Variants in CACNA2D3 observed in about 807,000 individuals in gnomAD.
CACNA2D3 encodes calcium voltage-gated channel auxiliary subunit alpha2delta 3.
In CACNA2D3, 60 loss-of-function variants were observed where a neutral mutation model predicts 160.6. The ratio of observed to expected loss-of-function variants is 0.37; its 90% confidence interval spans 0.30 to 0.46. The LOEUF is 0.46. CACNA2D3 is among the 20% of genes least tolerant of loss of function. The probability of loss-of-function intolerance (pLI) is 1.00; values close to 1 mark genes in which losing one functional copy is unlikely to be tolerated. For missense variants in CACNA2D3, 1,205 were observed against 1,365.0 expected, an observed-to-expected ratio of 0.88 and a Z score of 1.85; for synonymous variants, 558 against 492.9, an observed-to-expected ratio of 1.13 and a Z score of -1.75.
chr3:54,208,598 G>C (rs1701314737), intron 2 of CACNA2D3, among the ~76,000 whole-genome samples: 1 of 152,164 alleles, frequency 6.6e-6, no homozygotes, highest in African/African-American at 2.4e-5. Flanking sequence ...CCTTACCAGT[G>C]CCAGCCCCTT....
chr3:54,818,460 C>T (rs1703511515), intron 14 of CACNA2D3, among the ~76,000 whole-genome samples: 1 of 152,186 alleles, frequency 6.6e-6, no homozygotes, highest in South Asian at 2.1e-4. Context: ...ATACAGTGAG[C>T]CACTGCGCCC....
chr3:55,002,472 G>A (rs1280744018), intron 31 of CACNA2D3, among the ~76,000 whole-genome samples: 1 of 152,244 alleles, frequency 6.6e-6, no homozygotes, highest in Non-Finnish European at 1.5e-5. Context: ...TGTCCATTGT[G>A]GTCTGCAGTT....
In CACNA2D3 at chr3:54,346,230, A is replaced by G. The variant is rs528942408; in HGVS notation, c.321+25672A>G. Among the ~76,000 whole-genome samples, 26 of 152,236 alleles carry G rather than the reference A, an allele frequency of 1.7e-4. No homozygotes were observed. The East Asian group carries it at 2.9e-3, about 17-fold the overall frequency. ...TGGAGGTGAGGAGACGGATGATAGG[A>G]TACAGAAGCCTCCGTCAGAGCAACC... On this transcript the variant is annotated intron_variant, in intron 3 of 37. Transcript: ENST00000474759.
intron 11 of CACNA2D3, among the ~76,000 whole-genome samples, chr3:54,654,174 G>C (rs918289423): frequency 2.6e-5 from 4 of 152,092 alleles, no homozygotes; most frequent in Admixed American, 2.6e-4. Context: ...TGGAGTCACC[G>C]AGGGGTTGGC....
chr3:54,840,416 T>TC (rs1400382538), intron 16 of CACNA2D3, among the ~76,000 whole-genome samples: 1 of 140,838 alleles, frequency 7.1e-6, no homozygotes, highest in East Asian at 2.1e-4. Context: ...TTTTTTTTTT[T>TC]TTTTTTTTTT....
chr3:54,807,507 A>G (rs1168217398), intron 13 of CACNA2D3, among the ~76,000 whole-genome samples: 2 of 152,160 alleles, frequency 1.3e-5, no homozygotes, highest in Non-Finnish European at 2.9e-5. Context: ...ACAATGAGAT[A>G]CCATCTCACA....
chr3:54,269,255 G>A (rs936502008), intron 2 of CACNA2D3, among the ~76,000 whole-genome samples: 3 of 151,868 alleles, frequency 2.0e-5, no homozygotes, highest in African/African-American at 7.3e-5. Flanking sequence ...TTGGAATTCT[G>A]TGGATGTCCG....
chr3:54,879,174 A>C (rs989061120), intron 19 of CACNA2D3, 85 bp downstream of exon 19: 1 of 974,258 alleles, frequency 1.0e-6, no homozygotes, highest in Non-Finnish European at 1.5e-6. Flanking sequence ...TCTGGAATAA[A>C]TATCTTTCGC....
intron 12 of CACNA2D3, 104 bp from the exon 13 acceptor site, chr3:54,764,114 A>G (rs1309217185): frequency 7.8e-7 from 1 of 1,289,356 alleles, no homozygotes; most frequent in Non-Finnish European, 1.1e-6. Context: ...AAAAGAAAAA[A>G]GAAGGAAACT....
At chr3:54,867,718 G>A (rs1325012793) in intron 17 of CACNA2D3, among the ~76,000 whole-genome samples, 1 of 152,158 alleles carries the variant, frequency 6.6e-6, no homozygotes, top group Admixed American at 6.5e-5. Context: ...TCTCCAAGTA[G>A]TGGCAGAGAT....
chr3:54,955,943 G>A (rs1701879246), intron 27 of CACNA2D3, among the ~76,000 whole-genome samples: 2 of 152,224 alleles, frequency 1.3e-5, no homozygotes, highest in Middle Eastern at 3.4e-3. Flanking sequence ...AGAAAAAATT[G>A]GTATTCTCCA....
chr3:54,660,950 A>G (rs1699958853), intron 11 of CACNA2D3, among the ~76,000 whole-genome samples: 2 of 152,168 alleles, frequency 1.3e-5, no homozygotes, highest in South Asian at 4.1e-4. Flanking sequence ...TTGGTGACTG[A>G]TGGGCCTCTT....
rs556098812 is a variant in CACNA2D3, at chr3:54,569,700, C to T, written c.677-95C>T. On this transcript the variant is annotated intron_variant, in intron 6 of 37. Transcript: ENST00000474759. ...TTGGTCTTTGCATGTGATTTTTCAC[C>T]CTGTCCATTCAATCAGCAAAGTAGA... The T allele has an allele frequency of 1.5e-4, 150 of 1,005,710 alleles. No individual in the cohort carries two copies. In the African/African-American group the frequency reaches 2.1e-3, roughly 14 times the overall value. The allele number at this position is 1,005,710 out of a possible 1,614,324, so 62.3% of individuals were successfully genotyped here.
Position 54,445,816 on chromosome 3 carries a change from T to G in CACNA2D3, c.382-57676T>G, listed in dbSNP as rs569219212. On this transcript the variant is annotated intron_variant, in intron 4 of 37. Transcript: ENST00000474759. ...GGATGGGCCAGCAGTTCTGTGCTTA[T>G]GCGGTTACTTCCAGCCACTCCCTTG... Among the ~76,000 whole-genome samples the G allele has an allele frequency of 4.6e-5, 7 of 152,296 alleles. No homozygotes were observed. In the East Asian group the frequency reaches 1.2e-3, roughly 25 times the overall value.
intron 9 of CACNA2D3, among the ~76,000 whole-genome samples, chr3:54,598,307 CAAAAAAA>C (rs10656534): frequency 1.0e-4 from 5 of 49,852 alleles, no homozygotes; most frequent in South Asian, 1.8e-3. Context: ...CTCCGTCTCA[CAAAAAAA>C]AAAAAAAAAA....
intron 2 of CACNA2D3, among the ~76,000 whole-genome samples, chr3:54,124,308 G>A (rs1255277331): frequency 6.6e-6 from 1 of 152,078 alleles, no homozygotes; most frequent in African/African-American, 2.4e-5. Context: ...TTAAGCATAA[G>A]CTTAAAATTA....
At chr3:54,868,502 C>G (rs941842348) in intron 17 of CACNA2D3, among the ~76,000 whole-genome samples, 4 of 152,088 alleles carry the variant, frequency 2.6e-5, no homozygotes, top group Admixed American at 2.6e-4. Context: ...GTGAAATATA[C>G]TGTATTTATT....
chr3:54,895,759 A>T (rs1483770572), intron 25 of CACNA2D3, among the ~76,000 whole-genome samples: 1 of 152,030 alleles, frequency 6.6e-6, no homozygotes, highest in African/African-American at 2.4e-5. Context: ...TCATCCCCCC[A>T]CCGCCTGAGT....
chr3:54,642,327 A>C lies in CACNA2D3; in HGVS notation c.1167+86A>C, dbSNP rs1375730657. On this transcript the variant is annotated intron_variant, in intron 11 of 37. Transcript: ENST00000474759. ...CAGCTTGTCCATGAGTAAGTGCCTC[A>C]TGTAGACTTAATCTCATAATGATCT... 3.0e-5 allele frequency: 21 copies of C among 690,900 alleles called. No individual in the cohort carries two copies. In the Admixed American group the frequency reaches 6.4e-4, roughly 21 times the overall value. The allele number at this position is 690,900 out of a possible 1,614,324, so 42.8% of individuals were successfully genotyped here.
Sources: allele counts gnomAD v4.1 joint callset (sites outside exome capture counted in the v4.1 genomes callset), GRCh38; gene constraint gnomAD v4.1.1; transcripts MANE v1.5; gene names NCBI Gene and HGNC (gene_info 2026-07-23, HGNC 2026-07-21).